The following USP49 variants were observed in gnomAD, a reference collection of about 807,000 sequenced individuals.
The protein encoded by USP49 is ubiquitin specific peptidase 49.
A neutral mutation model predicts 58.6 loss-of-function variants in USP49; 24 were observed. The observed-to-expected ratio is 0.41, with a 90% confidence interval of 0.30 to 0.58. USP49 has a LOEUF of 0.58. Among genes scored for constraint, USP49 ranks in the 20% least tolerant of loss-of-function variants. The pLI, the probability that USP49 is intolerant of heterozygous loss-of-function variation, is 0.30. For missense variants in USP49, 703 were observed against 866.1 expected, an observed-to-expected ratio of 0.81 and a Z score of 2.36; for synonymous variants, 408 against 365.1, an observed-to-expected ratio of 1.12 and a Z score of -1.34.
chr6:41,806,882 G>C lies in USP49; in HGVS notation c.102C>G (p.Ser34=), dbSNP rs753758994. ...WCCLECATTE[S]VWACLKCSHV... ...GGGAGCACTTGAGGCAGGCCCACACGGACTCGGTGGTGGCACACTCTAAGC... is the reference window on the plus strand; with the variant it reads ...GGGAGCACTTGAGGCAGGCCCACACCGACTCGGTGGTGGCACACTCTAAGC... The change falls in exon 4 of 8, where the codon TCC becomes TCG. Residue 34 remains serine (S), a synonymous_variant. Coordinates refer to ENST00000682992, the MANE Select transcript of USP49 (RefSeq NM_001286554.2). This position sits in a 1 kb window ranked among gnomAD's most constrained non-coding sequence, Gnocchi z 5.9. 1.9e-5 allele frequency: 31 copies of C among 1,613,918 alleles called. No homozygotes were observed. Among genetic ancestry groups the C allele is most frequent in the Non-Finnish European group, 2.3e-5 (27 of 1,180,010 alleles).
intron 2 of USP49, among the ~76,000 whole-genome samples, chr6:41,883,173 A>C (rs1774641786): frequency 6.6e-6 from 1 of 151,834 alleles, no homozygotes; most frequent in Non-Finnish European, 1.5e-5. Flanking sequence ...CCAACATGGC[A>C]AAATCCTGCC....
At chr6:41,864,699 C>T (rs1056080658) in intron 3 of USP49, among the ~76,000 whole-genome samples, 1 of 152,204 alleles carries the variant, frequency 6.6e-6, no homozygotes, top group South Asian at 2.1e-4. Context: ...GGGTCATTCA[C>T]GTTTTAAATG....
intron 3 of USP49, among the ~76,000 whole-genome samples, chr6:41,860,842 G>A (rs995705234): frequency 1.3e-5 from 2 of 152,052 alleles, no homozygotes; most frequent in African/African-American, 4.8e-5. Flanking sequence ...AGAACTCATA[G>A]GCCAGGCACG....
At chr6:41,820,293 G>C (rs1281106759) in intron 3 of USP49, among the ~76,000 whole-genome samples, 1 of 151,786 alleles carries the variant, frequency 6.6e-6, no homozygotes, top group African/African-American at 2.4e-5. Context: ...TGAAACCACT[G>C]CAATTAAAAC....
At chr6:41,885,517 A>C (rs1334434111) in intron 2 of USP49, among the ~76,000 whole-genome samples, 1 of 152,136 alleles carries the variant, frequency 6.6e-6, no homozygotes, top group Non-Finnish European at 1.5e-5. Context: ...GTCAGCGCAC[A>C]ATCATACCTC....
At chr6:41,886,167 G>C (rs1245995510) in intron 2 of USP49, among the ~76,000 whole-genome samples, 1 of 152,160 alleles carries the variant, frequency 6.6e-6, no homozygotes, top group Non-Finnish European at 1.5e-5. Context: ...TGCAATCAGT[G>C]TATAGCCATA....
chr6:41,849,607 C>G (rs1773985276), intron 3 of USP49, among the ~76,000 whole-genome samples: 1 of 150,872 alleles, frequency 6.6e-6, no homozygotes, highest in Non-Finnish European at 1.5e-5. Context: ...CTTTTCTTTT[C>G]TTTCTTTTTT....
rs1773141984 is a variant in USP49 at position 41,806,710 on chromosome 6, G to T, written c.274C>A (p.Leu92Met). Reference sequence around the variant, plus strand: ...AGGAGGGAGCTTCTTAGCAGCTTCAGGTCCCCCTCTGGGTTATCATTGAGC... The same window carrying T: ...AGGAGGGAGCTTCTTAGCAGCTTCATGTCCCCCTCTGGGTTATCATTGAGC... Reference protein sequence around the residue: ...YVLNDNPEGDLKLLRSSLLAV... With the variant: ...YVLNDNPEGDMKLLRSSLLAV... The change falls in exon 4 of 8, where the codon CTG becomes ATG. Residue 92 changes from leucine (L) to methionine (M), a missense_variant. Physicochemically the swap from Leu to Met is conservative, Grantham distance 15 (BLOSUM62 2). Around this residue, in one of 6 missense-constraint regions of USP49, gnomAD observed 376 missense variants for 373.5 expected, o/e 1.01. Transcript: ENST00000682992. This position sits in a 1 kb window ranked among gnomAD's most constrained non-coding sequence, Gnocchi z 5.9. 2 of 1,614,252 alleles carry T rather than the reference G, an allele frequency of 1.2e-6. No homozygotes were observed.
At chr6:41,798,608 A>G in intron 7 of USP49, 116 bp downstream of exon 7, 1 of 1,588,978 alleles carries the variant, frequency 6.3e-7, no homozygotes, top group Non-Finnish European at 8.6e-7. Flanking sequence ...TGGATTTTTG[A>G]TGTATGTAAT....
chr6:41,834,615 C>T (rs1419788323), intron 3 of USP49, among the ~76,000 whole-genome samples: 3 of 152,142 alleles, frequency 2.0e-5, no homozygotes, highest in Non-Finnish European at 4.4e-5. Context: ...TGTGTTCTCA[C>T]GAGATCCAGT....
chr6:41,806,247 G>T lies in USP49; in HGVS notation c.737C>A (p.Pro246Gln). 6.2e-7 allele frequency: 1 copy of T among 1,608,952 alleles called. No homozygotes were observed. Among genetic ancestry groups the T allele is most frequent in the South Asian group, 1.1e-5 (1 of 91,074 alleles). ...PAATLKLRRQ[P>Q]AMAPGVTGLR... ...GCCCGTGACGCCTGGGGCCATGGCC[G>T]GCTGGCGACGCAGCTTGAGTGTGGC... Residue 246 changes from proline to glutamine, a missense_variant, in exon 4 of 8, where the codon CCG (proline) becomes CAG (glutamine). Coordinates refer to ENST00000682992, the MANE Select transcript of USP49 (RefSeq NM_001286554.2). The surrounding 1 kb of genome is among the most constrained non-coding windows in gnomAD (Gnocchi z 5.9).
At chr6:41,840,936 T>G (rs1223348456) in intron 3 of USP49, among the ~76,000 whole-genome samples, 3 of 151,482 alleles carry the variant, frequency 2.0e-5, no homozygotes, top group Non-Finnish European at 4.4e-5. Flanking sequence ...GCCAAGGAGG[T>G]CGAGGTTGGA....
Position 41,806,269 on chromosome 6 carries a change from T to G in USP49, c.715A>C (p.Thr239Pro), listed in dbSNP as rs779233658. 16 of 1,604,924 alleles carry G rather than the reference T, an allele frequency of 1.0e-5. No individual in the cohort carries two copies. The East Asian group carries it at 2.9e-4, about 29-fold the overall frequency. ...LPTSRRVPAA[T>P]LKLRRQPAMA... is the part of the protein sequence containing the mutation. ...GCCGGCTGGCGACGCAGCTTGAGTG[T>G]GGCGGCGGGCACTCTGCGTGAGGTA... Residue 239 changes from threonine to proline, a missense_variant, in exon 4 of 8, where the codon ACA (threonine) becomes CCA (proline). Transcript: ENST00000682992. This position sits in a 1 kb window ranked among gnomAD's most constrained non-coding sequence, Gnocchi z 5.9.
intron 2 of USP49, chr6:41,874,151 T>A (rs149289892): frequency 3.9e-5 from 6 of 152,146 alleles, no homozygotes; most frequent in Admixed American, 3.3e-4. Context: ...TGATGTGGAG[T>A]AACAGAGACC....
In USP49 at chr6:41,879,236, T is replaced by C. The variant is rs987551752; in HGVS notation, c.-102-7599A>G. 3.3e-5 allele frequency among the ~76,000 whole-genome samples: 5 copies of C among 152,100 alleles called. No homozygotes were observed. In the South Asian group the frequency reaches 6.2e-4, roughly 19 times the overall value. On this transcript the variant is annotated intron_variant, in intron 2 of 7. Coordinates refer to ENST00000682992, the MANE Select transcript of USP49 (RefSeq NM_001286554.2). ...ATAACGAGACTCTGCCTCTATGTTTTGTTTGTTTTTGAAACAGGGTCTTCC... is the reference window on the plus strand; with the variant it reads ...ATAACGAGACTCTGCCTCTATGTTTCGTTTGTTTTTGAAACAGGGTCTTCC...
intron 3 of USP49, among the ~76,000 whole-genome samples, chr6:41,815,311 C>G (rs1581999117): frequency 6.6e-6 from 1 of 151,852 alleles, no homozygotes; most frequent in East Asian, 1.9e-4. Context: ...GTCCCAGCTA[C>G]TAGGGAGGCT....
chr6:41,873,563 A>G (rs1483210761), intron 2 of USP49, among the ~76,000 whole-genome samples: 1 of 152,260 alleles, frequency 6.6e-6, no homozygotes, highest in Non-Finnish European at 1.5e-5. Context: ...CAGGGGTTTC[A>G]CATCCACAAA....
At chr6:41,842,803 T>A (rs1409917484) in intron 3 of USP49, among the ~76,000 whole-genome samples, 1 of 151,532 alleles carries the variant, frequency 6.6e-6, no homozygotes, top group Non-Finnish European at 1.5e-5. Context: ...TTGTGTTTTT[T>A]CTTAAGTTTT....
chr6:41,864,893 A>G (rs1405774395), intron 3 of USP49, among the ~76,000 whole-genome samples: 1 of 152,152 alleles, frequency 6.6e-6, no homozygotes, highest in African/African-American at 2.4e-5. Flanking sequence ...ATCTTTTTGT[A>G]TAAAACTCTA....
Sources: allele counts gnomAD v4.1 joint callset (sites outside exome capture counted in the v4.1 genomes callset), GRCh38; gene constraint gnomAD v4.1.1; regional missense constraint gnomAD v4.1.1; non-coding constraint Gnocchi (gnomAD v3.1); transcripts MANE v1.5; gene names NCBI Gene and HGNC (gene_info 2026-07-23, HGNC 2026-07-21).